Variants in SGCZ observed in about 807,000 individuals in gnomAD.
The protein encoded by SGCZ is zeta-sarcoglycan.
A neutral mutation model predicts 41.3 loss-of-function variants in SGCZ; 40 were observed. The observed-to-expected ratio is 0.97, with a 90% CI of 0.75 to 1.26. SGCZ has a LOEUF of 1.26. Ranked by LOEUF, SGCZ falls within the 50% of genes most tolerant of loss-of-function variation. The pLI, the probability that SGCZ is intolerant of heterozygous loss-of-function variation, is 0.00. For missense variants in SGCZ, 552 were observed against 369.8 expected, an observed-to-expected ratio of 1.49 and a Z score of -4.04; for synonymous variants, 206 against 137.5, an observed-to-expected ratio of 1.50 and a Z score of -3.49.
intron 3 of SGCZ, among the ~76,000 whole-genome samples, chr8:14,248,726 A>G (rs1799188021): frequency 6.9e-6 from 1 of 144,804 alleles, no homozygotes; most frequent in Non-Finnish European, 1.5e-5. Flanking sequence ...ATTTATGATA[A>G]TTACATTTGT....
chr8:14,632,198 T>G (rs1298839741), intron 1 of SGCZ, among the ~76,000 whole-genome samples: 1 of 151,886 alleles, frequency 6.6e-6, no homozygotes, highest in African/African-American at 2.4e-5. Flanking sequence ...TTTAAGATTT[T>G]TTTTTATAGA....
chr8:15,117,800 T>G (rs1007608924), intron 1 of SGCZ, among the ~76,000 whole-genome samples: 3 of 152,228 alleles, frequency 2.0e-5, no homozygotes, highest in African/African-American at 4.8e-5. Flanking sequence ...TTCATAATTG[T>G]TAACTTGTAA....
At chr8:14,519,539 A>G (rs1802726180) in intron 2 of SGCZ, among the ~76,000 whole-genome samples, 1 of 152,162 alleles carries the variant, frequency 6.6e-6, no homozygotes, top group Non-Finnish European at 1.5e-5. Flanking sequence ...ATATATTTAA[A>G]CATATTAGTT....
At chr8:14,384,219 G>A (rs1333313570) in intron 2 of SGCZ, among the ~76,000 whole-genome samples, 3 of 151,912 alleles carry the variant, frequency 2.0e-5, no homozygotes, top group Admixed American at 2.0e-4. Context: ...TGCGGTGTTC[G>A]GTTTTTTGTC....
At chr8:14,361,281 C>G (rs981673872) in intron 2 of SGCZ, among the ~76,000 whole-genome samples, 1 of 152,184 alleles carries the variant, frequency 6.6e-6, no homozygotes, top group African/African-American at 2.4e-5. Context: ...AGAGCATTTT[C>G]TAACTTGGTT....
chr8:15,009,618 T>G (rs1158672492), intron 1 of SGCZ, among the ~76,000 whole-genome samples: 1 of 152,184 alleles, frequency 6.6e-6, no homozygotes, highest in Admixed American at 6.5e-5. Context: ...TTAACAATCA[T>G]TTTTAGCAGG....
chr8:14,478,714 G>T (rs1025978183), intron 2 of SGCZ, among the ~76,000 whole-genome samples: 14 of 152,134 alleles, frequency 9.2e-5, no homozygotes, highest in South Asian at 4.1e-4. Context: ...TGCAAATCTC[G>T]TGTCTTTATA....
intron 1 of SGCZ, among the ~76,000 whole-genome samples, chr8:15,051,217 G>A (rs1054116469): frequency 6.6e-6 from 1 of 152,156 alleles, no homozygotes; most frequent in African/African-American, 2.4e-5. Context: ...CGTAAAGAAA[G>A]AGGCACAAAG....
chr8:14,224,292 G>A (rs752987626), intron 4 of SGCZ, among the ~76,000 whole-genome samples: 4 of 151,702 alleles, frequency 2.6e-5, no homozygotes, highest in Non-Finnish European at 5.9e-5. Context: ...AAATACCAAG[G>A]GTAGAAAAGA....
intron 2 of SGCZ, among the ~76,000 whole-genome samples, chr8:14,486,983 T>C (rs186708054): frequency 1.3e-3 from 198 of 152,348 alleles, no homozygotes; most frequent in African/African-American, 4.7e-3. Context: ...TTCAGGACTA[T>C]GTTGTCTGAA....
At chr8:14,762,305 T>C (rs1799910099) in intron 1 of SGCZ, among the ~76,000 whole-genome samples, 1 of 151,968 alleles carries the variant, frequency 6.6e-6, no homozygotes, top group Non-Finnish European at 1.5e-5. Flanking sequence ...ATCTACAGAG[T>C]AGTCCATTAC....
At chr8:15,135,262 A>G (rs941758741) in intron 1 of SGCZ, among the ~76,000 whole-genome samples, 10 of 152,258 alleles carry the variant, frequency 6.6e-5, no homozygotes, top group African/African-American at 2.4e-4. Flanking sequence ...AACACTTTCT[A>G]CCTAAAATAT....
chr8:14,732,937 A>G (rs1185958310), intron 1 of SGCZ, among the ~76,000 whole-genome samples: 1 of 148,044 alleles, frequency 6.8e-6, no homozygotes, highest in East Asian at 2.0e-4. Flanking sequence ...TACCTACAAA[A>G]TAAGATTCGC....
chr8:14,906,240 G>C (rs749470080), intron 1 of SGCZ, among the ~76,000 whole-genome samples: 1 of 152,134 alleles, frequency 6.6e-6, no homozygotes, highest in Non-Finnish European at 1.5e-5. Flanking sequence ...ATAAGGAACT[G>C]TTTGTGGAAA....
At position 14,504,721 on chromosome 8, in the gene SGCZ, A is replaced by G. The variant is rs1434095886; in HGVS notation, c.234+50011T>C. ...AATAGATATCTGTTCAATTAAATAC[A>G]TATCTCTTACTTCTTTATGGCACTT... On this transcript the variant is annotated intron_variant, in intron 2 of 7. Coordinates refer to ENST00000382080, the MANE Select transcript of SGCZ (RefSeq NM_139167.4). Among the ~76,000 whole-genome samples the G allele has an allele frequency of 2.6e-5, 4 of 152,180 alleles. No individual in the cohort carries two copies. In the East Asian group the frequency reaches 5.8e-4, roughly 22 times the overall value.
chr8:14,579,321 A>C (rs1804811200), intron 1 of SGCZ, among the ~76,000 whole-genome samples: 2 of 152,250 alleles, frequency 1.3e-5, no homozygotes, highest in South Asian at 4.1e-4. Flanking sequence ...GAAATAGCAC[A>C]TGAATGTAAA....
intron 1 of SGCZ, among the ~76,000 whole-genome samples, chr8:14,830,520 T>C (rs953301627): frequency 6.6e-6 from 1 of 152,196 alleles, no homozygotes; most frequent in African/African-American, 2.4e-5. Flanking sequence ...ATTAATTGTA[T>C]TGTTTAAATT....
Position 14,137,252 on chromosome 8 carries a change from A to G in SGCZ, c.547+27328T>C, listed in dbSNP as rs541079247. On this transcript the variant is annotated intron_variant, in intron 5 of 7. Coordinates refer to ENST00000382080, the MANE Select transcript of SGCZ (RefSeq NM_139167.4). ...CAGAGCAGAAAAGCTGAAAATTTAA[A>G]AAACCAGAGCACCTCTTCTCCTCCA... Among the ~76,000 whole-genome samples the G allele has an allele frequency of 4.2e-4, 64 of 152,350 alleles. 2 individuals carry two copies. In the South Asian group the frequency reaches 0.013, roughly 30 times the overall value.
intron 2 of SGCZ, among the ~76,000 whole-genome samples, chr8:14,529,655 C>T (rs1239512284): frequency 3.3e-5 from 5 of 151,966 alleles, no homozygotes; most frequent in African/African-American, 1.2e-4. Context: ...CTAGTTTTGC[C>T]CTAATATTTC....
Sources: gnomAD v4.1 joint callset for allele counts (sites outside exome capture counted in the v4.1 genomes callset) on GRCh38, gnomAD v4.1.1 for gene constraint, MANE v1.5 for transcripts, NCBI Gene and HGNC (gene_info 2026-07-23, HGNC 2026-07-21) for gene names.